PIGB: variants seen among roughly 807,000 people sequenced by gnomAD.
PIGB encodes the protein phosphatidylinositol glycan anchor biosynthesis class B.
In PIGB, 58 loss-of-function variants were observed where a neutral mutation model predicts 68.4. The observed-to-expected ratio is 0.85, with a 90% CI of 0.69 to 1.06. PIGB has a LOEUF of 1.06. Among genes scored for constraint, PIGB ranks in the 50% least tolerant of loss-of-function variants. PIGB has a pLI of 0.00. For missense variants in PIGB, 634 were observed against 655.8 expected (o/e 0.97, Z 0.36); for synonymous variants, 219 against 220.5 (o/e 0.99, Z 0.06).
intron 9 of PIGB, among the ~76,000 whole-genome samples, chr15:55,342,608 T>TCTCG (rs2055696487): frequency 6.6e-6 from 1 of 152,152 alleles, no homozygotes; most frequent in Admixed American, 6.5e-5. Context: ...GCCAGGCTGG[T>TCTCG]CTCGAACTCC....
At chr15:55,336,821 C>G (rs1039926949) in intron 6 of PIGB, among the ~76,000 whole-genome samples, 4 of 152,190 alleles carry the variant, frequency 2.6e-5, no homozygotes, top group African/African-American at 9.7e-5. Context: ...AACCCTGTCT[C>G]TGCTAAAAAT....
intron 9 of PIGB, among the ~76,000 whole-genome samples, chr15:55,345,203 T>C (rs1394630181): frequency 6.6e-6 from 1 of 152,080 alleles, no homozygotes; most frequent in Non-Finnish European, 1.5e-5. Context: ...TATTCTAATC[T>C]TTTTATCAAA....
At position 55,354,986 on chromosome 15, in the gene PIGB, A is replaced by C. The variant is rs771403460; in HGVS notation, c.1518+8A>C. 3.7e-6 allele frequency: 6 copies of C among 1,600,302 alleles called. No homozygotes were observed. Among genetic ancestry groups the C allele is most frequent in the Non-Finnish European group, 5.1e-6 (6 of 1,173,376 alleles). On this transcript the variant is annotated splice_region_variant and intron_variant, in intron 11 of 11. Coordinates refer to ENST00000164305, the MANE Select transcript of PIGB (RefSeq NM_004855.5). ...TTCAGCATTTTGGAAGAGGTAAGTA[A>C]ACATGAAAAAGAGGAAAACTCAGTA...
rs561775131 is a variant in PIGB at position 55,346,118 on chromosome 15, T to G, written c.1123+4316T>G. ...ACCTTGGTAAGAAGGAACGTATTAG[T>G]GATTGCTGGAAAATACAGAATGCCA... On this transcript the variant is annotated intron_variant, in intron 9 of 11. Coordinates refer to ENST00000164305, the MANE Select transcript of PIGB (RefSeq NM_004855.5). 2.6e-5 allele frequency among the ~76,000 whole-genome samples: 4 copies of G among 152,354 alleles called. No individual in the cohort carries two copies. The South Asian group carries it at 8.3e-4, about 32-fold the overall frequency.
intron 9 of PIGB, among the ~76,000 whole-genome samples, chr15:55,342,105 T>C (rs555951420): frequency 6.6e-6 from 1 of 152,252 alleles, no homozygotes; most frequent in East Asian, 1.9e-4. Context: ...CAGCCTACCA[T>C]ATGGCAAGTC....
At chr15:55,320,441 G>A in intron 2 of PIGB, 31 bp downstream of exon 2, 4 of 1,602,330 alleles carry the variant, frequency 2.5e-6, no homozygotes, top group Non-Finnish European at 3.4e-6. Flanking sequence ...TCCAGACTAT[G>A]AGTGTGTATT....
chr15:55,355,217 C>G (rs1242065979), intron 11 of PIGB, 69 bp from the exon 12 acceptor site: 1 of 1,275,878 alleles, frequency 7.8e-7, no homozygotes, highest in African/African-American at 1.5e-5. Context: ...ATAGGCAATT[C>G]TAAAATTGAC....
At position 55,333,997 on chromosome 15, in the gene PIGB, T is replaced by C; in HGVS notation, c.784T>C (p.Leu262=). 1 of 1,601,378 alleles carries C rather than the reference T, an allele frequency of 6.2e-7. No individual in the cohort carries two copies. The highest frequency in any genetic ancestry group is 8.5e-7 in the Non-Finnish European group (1 of 1,174,364). ...GCTTGATCTTATTCTACATCATTTT[T>C]TACCTGTAGGGTAAGTGTGGCAATA... ...RKLDLILHHF[L]PVGFVTLSLS... The change falls in exon 6 of 12, where the codon TTA becomes CTA. Residue 262 remains leucine, a synonymous_variant. Transcript: ENST00000164305.
intron 4 of PIGB, among the ~76,000 whole-genome samples, chr15:55,329,243 C>G (rs1036476490): frequency 3.3e-5 from 5 of 150,886 alleles, no homozygotes; most frequent in Non-Finnish European, 6.0e-5. Flanking sequence ...CCTCTTTTGT[C>G]TTAATTTTTC....
chr15:55,320,567 C>CTA (rs920779677), intron 2 of PIGB, among the ~76,000 whole-genome samples, 157 bp downstream of exon 2: 4 of 152,050 alleles, frequency 2.6e-5, no homozygotes, highest in Non-Finnish European at 5.9e-5. Context: ...GTACCAAACT[C>CTA]TATATATATT....
intron 4 of PIGB, among the ~76,000 whole-genome samples, chr15:55,328,838 C>CGTCT (rs1388505620): frequency 6.6e-6 from 1 of 152,102 alleles, no homozygotes; most frequent in Non-Finnish European, 1.5e-5. Context: ...TGGTGGCAGA[C>CGTCT]ACCTGTAATC....
At chr15:55,347,340 C>T (rs1036125212) in intron 9 of PIGB, among the ~76,000 whole-genome samples, 11 of 152,176 alleles carry the variant, frequency 7.2e-5, no homozygotes, top group Admixed American at 1.3e-4. Context: ...GCAGGAGAAT[C>T]GCTTGTAACC....
chr15:55,347,983 CTTTTTT>C (rs576991463), intron 9 of PIGB, among the ~76,000 whole-genome samples: 5,151 of 93,994 alleles, frequency 0.055, 221 homozygotes, highest in African/African-American at 0.18. Flanking sequence ...GCCATAGTTT[CTTTTTT>C]TTTTTTTTTT....
At chr15:55,336,531 C>T (rs1203293160) in intron 6 of PIGB, among the ~76,000 whole-genome samples, 4 of 152,212 alleles carry the variant, frequency 2.6e-5, no homozygotes, top group Non-Finnish European at 5.9e-5. Context: ...TCATCTAACA[C>T]AAAGCCTATT....
chr15:55,329,584 G>C, intron 4 of PIGB, 140 bp from the exon 5 acceptor site: 1 of 595,666 alleles, frequency 1.7e-6, no homozygotes, highest in Non-Finnish European at 2.8e-6. Context: ...CGACGTTTGG[G>C]CATGCCTACT....
chr15:55,340,291 C>T, intron 7 of PIGB: 1 of 168,396 alleles, frequency 5.9e-6, no homozygotes, highest in South Asian at 1.4e-4. Context: ...CCCGTCTCTA[C>T]TAAAAATAGA....
chr15:55,339,336 A>G lies in PIGB; in HGVS notation c.846+18A>G. The G allele has an allele frequency of 1.4e-6, 2 of 1,457,862 alleles. No homozygotes were observed. Among genetic ancestry groups the G allele is most frequent in the Non-Finnish European group, 1.9e-6 (2 of 1,064,620 alleles). The allele number at this position is 1,457,862 out of a possible 1,614,324, so 90.3% of individuals were successfully genotyped here. On this transcript the variant is annotated intron_variant, in intron 7 of 11. Coordinates refer to ENST00000164305, the MANE Select transcript of PIGB (RefSeq NM_004855.5). ...TTGGCCAAGTAAGTAAAAGTATATT[A>G]AGCTAACAGCTATTTTTATTTTTAA...
At chr15:55,321,898 C>T (rs1055096239) in intron 3 of PIGB, among the ~76,000 whole-genome samples, 37 of 145,166 alleles carry the variant, frequency 2.5e-4, no homozygotes, top group African/African-American at 7.5e-4. Flanking sequence ...GTGATCTGCC[C>T]GTGCGGTGGC....
chr15:55,336,072 C>T (rs1031283427), intron 6 of PIGB, among the ~76,000 whole-genome samples: 2 of 152,172 alleles, frequency 1.3e-5, no homozygotes, highest in African/African-American at 4.8e-5. Context: ...TGCTCCTTGA[C>T]TCAGGGTTAC....
Sources: gnomAD v4.1 joint callset for allele counts (sites outside exome capture counted in the v4.1 genomes callset) on GRCh38, gnomAD v4.1.1 for gene constraint, MANE v1.5 for transcripts, NCBI Gene and HGNC (gene_info 2026-07-23, HGNC 2026-07-21) for gene names.